Variants in CCDC192 observed in about 807,000 individuals in gnomAD.
CCDC192 encodes coiled-coil domain containing 192, also known as coiled-coil domain-containing protein 192.
At position 127,726,284 on chromosome 5, in the gene CCDC192, T is replaced by C. The variant is rs558145308; in HGVS notation, c.114+18524T>C. ...AAAAAGAAACAAAACTATAATTGAGTCCAGTGAACTCCTATGGTATATGGG... is the reference window on the plus strand; with the variant it reads ...AAAAAGAAACAAAACTATAATTGAGCCCAGTGAACTCCTATGGTATATGGG... On this transcript the variant is annotated intron_variant, in intron 2 of 6. Transcript: ENST00000514853. Among the ~76,000 whole-genome samples the C allele has an allele frequency of 1.3e-4, 20 of 152,146 alleles. 1 individual carries two copies. The highest frequency in any genetic ancestry group is 2.4e-4 in the Non-Finnish European group (16 of 68,028).
chr5:127,824,550 G>A (rs982853353), intron 5 of CCDC192, among the ~76,000 whole-genome samples: 3 of 152,200 alleles, frequency 2.0e-5, no homozygotes, highest in African/African-American at 7.2e-5. Context: ...TTCACTGAAT[G>A]GAGTGCTTTC....
chr5:127,908,952 T>G lies in CCDC192; in HGVS notation c.536-32230T>G, dbSNP rs529383400. ...CACAAAATTTTTAACATTCAACCAT[T>G]TTTTGACCAATGAAATGTAACTTTA... is the stretch of plus-strand genomic sequence containing the variant. On this transcript the variant is annotated intron_variant, in intron 6 of 6. Coordinates refer to ENST00000514853, the MANE Select transcript of CCDC192 (RefSeq NM_001317938.2). Among the ~76,000 whole-genome samples, 18 of 152,316 alleles carry G rather than the reference T, an allele frequency of 1.2e-4. 1 individual carries two copies. The South Asian group carries it at 3.3e-3, about 28-fold the overall frequency.
At chr5:127,797,844 T>C (rs974746044) in intron 4 of CCDC192, among the ~76,000 whole-genome samples, 21 of 149,498 alleles carry the variant, frequency 1.4e-4, no homozygotes, top group African/African-American at 4.2e-4. Context: ...GCATTAACCG[T>C]AGCACATCAA....
chr5:127,940,393 C>G (rs1009443463), intron 6 of CCDC192: 1 of 152,144 alleles, frequency 6.6e-6, no homozygotes, highest in Admixed American at 6.5e-5. Flanking sequence ...AGAAACTAGT[C>G]TTTCCTCATT....
chr5:127,710,965 A>G (rs1461801620), intron 2 of CCDC192, among the ~76,000 whole-genome samples: 2 of 152,184 alleles, frequency 1.3e-5, no homozygotes, highest in Non-Finnish European at 2.9e-5. Flanking sequence ...TTAGAATGTT[A>G]TTTAAACTAT....
intron 5 of CCDC192, among the ~76,000 whole-genome samples, chr5:127,817,635 A>G (rs1003847305): frequency 1.3e-5 from 2 of 152,186 alleles, no homozygotes; most frequent in African/African-American, 4.8e-5. Flanking sequence ...GGAGTGAGGG[A>G]GTGACTGCTA....
At chr5:127,796,206 T>C (rs1488144244) in intron 3 of CCDC192, among the ~76,000 whole-genome samples, 1 of 152,220 alleles carries the variant, frequency 6.6e-6, no homozygotes, top group Non-Finnish European at 1.5e-5. Flanking sequence ...ACTGACCTCT[T>C]CATGCTTCCA....
chr5:127,751,287 A>G (rs9764313), intron 2 of CCDC192, among the ~76,000 whole-genome samples: 1,991 of 151,154 alleles, frequency 0.013, 17 homozygotes, highest in African/African-American at 0.027. Flanking sequence ...ACTTCCTTCA[A>G]GAGCTCTTTT....
At chr5:127,897,221 A>C (rs1457558658) in intron 6 of CCDC192, among the ~76,000 whole-genome samples, 1 of 152,186 alleles carries the variant, frequency 6.6e-6, no homozygotes, top group East Asian at 1.9e-4. Context: ...TTATATCAGA[A>C]TCACTTTATT....
intron 6 of CCDC192, among the ~76,000 whole-genome samples, chr5:127,921,193 G>C (rs933422116): frequency 2.8e-5 from 4 of 145,438 alleles, no homozygotes; most frequent in Non-Finnish European, 4.5e-5. Flanking sequence ...GAAGGAAAGA[G>C]AGAGAGAAAG....
chr5:127,762,428 A>T (rs1305395794), intron 3 of CCDC192, among the ~76,000 whole-genome samples: 1 of 152,230 alleles, frequency 6.6e-6, no homozygotes, highest in Non-Finnish European at 1.5e-5. Flanking sequence ...ATTTAAGCAG[A>T]TGTTCATCTT....
At chr5:127,910,800 C>A (rs1250362365) in intron 6 of CCDC192, among the ~76,000 whole-genome samples, 1 of 152,124 alleles carries the variant, frequency 6.6e-6, no homozygotes, top group Non-Finnish European at 1.5e-5. Context: ...AAAGTATAAC[C>A]CATGGGGAAT....
At chr5:127,835,892 C>T (rs1470971978) in intron 5 of CCDC192, among the ~76,000 whole-genome samples, 1 of 152,170 alleles carries the variant, frequency 6.6e-6, no homozygotes, top group East Asian at 1.9e-4. Flanking sequence ...CTAACCATAT[C>T]ATTCCAATCC....
At position 127,706,827 on chromosome 5, in the gene CCDC192, A is replaced by G. The variant is rs879471980; in HGVS notation, c.63-882A>G. On this transcript the variant is annotated intron_variant, in intron 1 of 6. Transcript: ENST00000514853. ...GAGAAAATAGTATGGTGATGAGGTG[A>G]GGGGTTAAATTTTAAATGAGATACA... is the stretch of plus-strand genomic sequence containing the variant. Among the ~76,000 whole-genome samples the G allele has an allele frequency of 1.8e-4, 28 of 152,178 alleles. 1 individual carries two copies. The highest frequency in any genetic ancestry group is 6.5e-4 in the African/African-American group (27 of 41,440).
chr5:127,832,265 T>C (rs1369808722), intron 5 of CCDC192, among the ~76,000 whole-genome samples: 2 of 152,180 alleles, frequency 1.3e-5, no homozygotes, highest in East Asian at 1.9e-4. Flanking sequence ...AAGTGAAAAA[T>C]AGGAAGTCTT....
intron 5 of CCDC192, among the ~76,000 whole-genome samples, chr5:127,822,993 G>A (rs547166897): frequency 4.6e-5 from 7 of 152,184 alleles, no homozygotes; most frequent in South Asian, 2.1e-4. Flanking sequence ...CCCTCTCAAC[G>A]CTCCTCAAGA....
intron 6 of CCDC192, among the ~76,000 whole-genome samples, chr5:127,884,713 G>A (rs1752498817): frequency 6.6e-6 from 1 of 152,126 alleles, no homozygotes; most frequent in Admixed American, 6.5e-5. Flanking sequence ...AAGCTTTCTG[G>A]ATAGAAGACA....
intron 6 of CCDC192, among the ~76,000 whole-genome samples, chr5:127,929,173 T>G (rs1753949590): frequency 6.6e-6 from 1 of 152,240 alleles, no homozygotes; most frequent in South Asian, 2.1e-4. Context: ...TATTTCATCA[T>G]TTTTAGTATT....
intron 2 of CCDC192, among the ~76,000 whole-genome samples, chr5:127,749,949 C>T (rs1454366493): frequency 3.3e-5 from 5 of 151,992 alleles, no homozygotes; most frequent in Admixed American, 1.3e-4. Context: ...TCTGTGGGAT[C>T]GGTGGTGATA....
Sources: allele counts gnomAD v4.1 joint callset (sites outside exome capture counted in the v4.1 genomes callset), GRCh38; gene constraint gnomAD v4.1.1; transcripts MANE v1.5; gene names NCBI Gene and HGNC (gene_info 2026-07-23, HGNC 2026-07-21).